NTRK2: variants seen among roughly 807,000 people sequenced by gnomAD.
NTRK2 encodes the protein neurotrophic receptor tyrosine kinase 2.
NTRK2 carries 13 observed loss-of-function variants against 94.5 expected under a neutral mutation model. The observed-to-expected ratio is 0.14, with a 90% CI of 0.09 to 0.22. The LOEUF (loss-of-function observed/expected upper bound fraction) is 0.22. NTRK2 is among the 10% of genes least tolerant of loss of function. The pLI is 1.00. For synonymous variants in NTRK2, 372 were observed against 407.4 expected (o/e 0.91, Z 1.05); for missense variants, 639 against 1,071.2 (o/e 0.60, Z 5.63).
chr9:84,681,322 G>A (rs1367784974), intron 2 of NTRK2, among the ~76,000 whole-genome samples: 1 of 152,070 alleles, frequency 6.6e-6, no homozygotes, highest in Admixed American at 6.6e-5. Flanking sequence ...AGTAATACAA[G>A]CCACAAACCG....
chr9:84,812,241 T>C (rs1197118720), intron 12 of NTRK2: 1 of 1,056,304 alleles, frequency 9.5e-7, no homozygotes, highest in Non-Finnish European at 1.1e-6. Context: ...ATAATGAATA[T>C]TTTATACTGC....
intron 14 of NTRK2, among the ~76,000 whole-genome samples, chr9:84,898,479 G>GTTTCTTTC (rs56810834): frequency 5.3e-5 from 8 of 151,696 alleles, no homozygotes; most frequent in African/African-American, 1.9e-4. Flanking sequence ...AGTGTTTTCA[G>GTTTCTTTC]TTTCTTTCTT....
rs1244335865 is a variant in NTRK2 at position 84,812,494 on chromosome 9, G to T, written c.1397-48546G>T. The T allele has an allele frequency of 8.6e-6, 9 of 1,048,484 alleles. No individual in the cohort carries two copies. In the Admixed American group the frequency reaches 2.2e-4, roughly 26 times the overall value. The allele number at this position is 1,048,484 out of a possible 1,614,324, so 64.9% of individuals were successfully genotyped here. Reference sequence around the variant, plus strand: ...CTGAATTCCCATTTTCTTGTTCGCGGCTAAATGACAGTTTCTGTCATTACT... The same window carrying T: ...CTGAATTCCCATTTTCTTGTTCGCGTCTAAATGACAGTTTCTGTCATTACT... On this transcript the variant is annotated intron_variant, in intron 12 of 18. Coordinates refer to ENST00000277120, the MANE Select transcript of NTRK2 (RefSeq NM_006180.6).
At chr9:84,739,527 C>G (rs1379512285) in intron 9 of NTRK2, among the ~76,000 whole-genome samples, 1 of 152,194 alleles carries the variant, frequency 6.6e-6, no homozygotes, top group Non-Finnish European at 1.5e-5. Context: ...GCAGATTAAA[C>G]CTGTATGTCA....
chr9:85,018,200 T>C (rs1339463600), intron 17 of NTRK2, among the ~76,000 whole-genome samples: 1 of 152,070 alleles, frequency 6.6e-6, no homozygotes, highest in Non-Finnish European at 1.5e-5. Flanking sequence ...AGGCTAGAGG[T>C]GCCACCAAGA....
chr9:84,826,727 G>A (rs1393415532), intron 12 of NTRK2, among the ~76,000 whole-genome samples: 11 of 152,122 alleles, frequency 7.2e-5, no homozygotes, highest in Non-Finnish European at 1.5e-5. Context: ...GTGAGAATAA[G>A]TTAACAATGC....
At chr9:84,797,653 A>AC (rs2069604014) in intron 12 of NTRK2, among the ~76,000 whole-genome samples, 3 of 45,198 alleles carry the variant, frequency 6.6e-5, no homozygotes, top group East Asian at 5.6e-4. Flanking sequence ...CTATAATAAT[A>AC]TATATATTAT....
At chr9:84,910,828 A>G (rs772251013) in intron 14 of NTRK2, among the ~76,000 whole-genome samples, 12 of 152,306 alleles carry the variant, frequency 7.9e-5, no homozygotes, top group Admixed American at 3.9e-4. Flanking sequence ...AATCAGGTAG[A>G]ATGAGTCTTC....
chr9:84,918,966 A>G (rs1390343826), intron 14 of NTRK2, among the ~76,000 whole-genome samples: 1 of 152,180 alleles, frequency 6.6e-6, no homozygotes, highest in African/African-American at 2.4e-5. Flanking sequence ...GGAACCTGCA[A>G]TAGCTCCCAT....
chr9:85,003,983 AAG>A (rs1439810961), intron 17 of NTRK2, among the ~76,000 whole-genome samples: 1 of 107,958 alleles, frequency 9.3e-6, no homozygotes, highest in Non-Finnish European at 2.0e-5. Flanking sequence ...TTTAAGGAGA[AAG>A]AAGAAGGAAA....
rs919284410 is a variant in NTRK2 at position 85,021,708 on chromosome 9, T to G, written c.*271T>G. On this transcript the variant is annotated 3_prime_UTR_variant, in exon 19 of 19. Transcript: ENST00000277120. ...TTTTTTAAATTTTCTTTTTCTTTTT[T>G]TTTTCGTCTTCCCTGCTTCACGATT... 6.1e-6 allele frequency: 3 copies of G among 490,994 alleles called. No homozygotes were observed. The highest frequency in any genetic ancestry group is 7.4e-6 in the Non-Finnish European group (2 of 271,790). 30.4% of individuals were successfully genotyped at this position (490,994 alleles called of 1,614,324 possible).
chr9:84,989,122 G>T (rs1438179717), intron 17 of NTRK2, among the ~76,000 whole-genome samples: 1 of 152,134 alleles, frequency 6.6e-6, no homozygotes, highest in Non-Finnish European at 1.5e-5. Context: ...TCAAGAAAAG[G>T]CTTGTAGGAC....
intron 12 of NTRK2, among the ~76,000 whole-genome samples, chr9:84,854,197 C>T (rs2074942954): frequency 6.6e-6 from 1 of 152,108 alleles, no homozygotes; most frequent in African/African-American, 2.4e-5. Context: ...GACCCAGCTT[C>T]CTCAGCTTTG....
At chr9:84,882,719 T>TGTGCGCACGCGCGC (rs761042296) in intron 14 of NTRK2, among the ~76,000 whole-genome samples, 1 of 145,742 alleles carries the variant, frequency 6.9e-6, no homozygotes, top group African/African-American at 2.6e-5. Flanking sequence ...TGTGTGTGTG[T>TGTGCGCACGCGCGC]GCGCGCGCGC....
rs1317085689 is a variant in NTRK2, at chr9:84,723,605, C to T, written c.616C>T (p.Leu206Phe). 6.2e-7 allele frequency: 1 copy of T among 1,614,004 alleles called. No homozygotes were observed. Among genetic ancestry groups the T allele is most frequent in the East Asian group, 2.2e-5 (1 of 44,884 alleles). ...ATCTGCAAATCTGGCCGCACCTAAC[C>T]TCACTGTGGAGGAAGGAAAGTCTAT... The part of the protein sequence containing the change: ...LPSANLAAPN[L>F]TVEEGKSITL... Residue 206 changes from leucine (L) to phenylalanine (F), a missense_variant, in exon 7 of 19, where the codon CTC becomes TTC. This residue lies in a region of NTRK2 where 12 missense variants were observed against 27.8 expected (regional missense o/e 0.43). Coordinates refer to ENST00000277120, the MANE Select transcript of NTRK2 (RefSeq NM_006180.6).
At chr9:84,838,197 A>G (rs553930305) in intron 12 of NTRK2, among the ~76,000 whole-genome samples, 1 of 152,198 alleles carries the variant, frequency 6.6e-6, no homozygotes, top group Non-Finnish European at 1.5e-5. Context: ...GAATAGGAAA[A>G]CAACAACAGC....
At chr9:84,880,499 G>A (rs1423826066) in intron 14 of NTRK2, among the ~76,000 whole-genome samples, 2 of 152,162 alleles carry the variant, frequency 1.3e-5, no homozygotes, top group East Asian at 1.9e-4. Flanking sequence ...CCATTCAAAG[G>A]TCCATGTTTC....
At chr9:84,988,242 G>A (rs1828585658) in intron 17 of NTRK2, among the ~76,000 whole-genome samples, 1 of 152,206 alleles carries the variant, frequency 6.6e-6, no homozygotes, top group Non-Finnish European at 1.5e-5. Flanking sequence ...GAGGGCCATA[G>A]ATAGGCTGCC....
intron 14 of NTRK2, among the ~76,000 whole-genome samples, chr9:84,887,433 C>A (rs895714618): frequency 3.3e-5 from 5 of 152,212 alleles, no homozygotes; most frequent in African/African-American, 1.2e-4. Context: ...CTCCTAGTGA[C>A]TAGCAAGAAA....
Sources: gnomAD v4.1 joint callset for allele counts (sites outside exome capture counted in the v4.1 genomes callset) on GRCh38, gnomAD v4.1.1 for gene constraint, gnomAD v4.1.1 regional missense constraint, MANE v1.5 for transcripts, NCBI Gene and HGNC (gene_info 2026-07-23, HGNC 2026-07-21) for gene names.